The following TIAM1 variants were observed in gnomAD, a reference collection of about 807,000 sequenced individuals.
TIAM1 encodes the protein TIAM Rac1 associated GEF 1, also known as rho guanine nucleotide exchange factor TIAM1.
In TIAM1, 65 loss-of-function variants were observed where a neutral mutation model predicts 163.5. The ratio of observed to expected loss-of-function variants is 0.40; its 90% CI spans 0.33 to 0.49. The LOEUF (loss-of-function observed/expected upper bound fraction) is 0.49. TIAM1 is among the 20% of genes least tolerant of loss of function. TIAM1 has a pLI of 0.77. For missense variants in TIAM1, 1,789 were observed against 2,044.7 expected, an observed-to-expected ratio of 0.87 and a Z score of 2.41; for synonymous variants, 833 against 810.1, an observed-to-expected ratio of 1.03 and a Z score of -0.48.
At chr21:31,434,067 G>A (rs536822495) in intron 2 of TIAM1, among the ~76,000 whole-genome samples, 4 of 152,086 alleles carry the variant, frequency 2.6e-5, no homozygotes, top group African/African-American at 9.6e-5. Context: ...CAAAGTGCTA[G>A]GATTATAGCA....
chr21:31,427,403 C>T lies in TIAM1; in HGVS notation c.-369+36580G>A, dbSNP rs535018270. ...TCGGGAGGCTGAGGCAGGAGAATGG[C>T]GTGAACCTGGAAGGCGGGGGTTGCA... is the stretch of plus-strand genomic sequence containing the variant. On this transcript the variant is annotated intron_variant, in intron 2 of 28. Coordinates refer to the TIAM1 transcript ENST00000286827. 3.4e-3 allele frequency among the ~76,000 whole-genome samples: 515 copies of T among 152,094 alleles called. 3 individuals are homozygous for T. Among genetic ancestry groups the T allele is most frequent in the African/African-American group, 0.012 (495 of 41,496 alleles).
chr21:31,485,942 G>A (rs1443409087), intron 1 of TIAM1, among the ~76,000 whole-genome samples: 1 of 152,140 alleles, frequency 6.6e-6, no homozygotes, highest in African/African-American at 2.4e-5. Flanking sequence ...TTAGCTCTAC[G>A]CCCTGCCTAA....
intron 2 of TIAM1, among the ~76,000 whole-genome samples, chr21:31,368,015 G>A (rs1048104324): frequency 1.1e-4 from 17 of 152,122 alleles, no homozygotes; most frequent in African/African-American, 4.1e-4. Context: ...ATATTCATGA[G>A]AGGCCTCTCA....
intron 1 of TIAM1, among the ~76,000 whole-genome samples, chr21:31,530,509 A>G (rs891278339): frequency 3.3e-5 from 5 of 152,256 alleles, no homozygotes; most frequent in African/African-American, 1.2e-4. Context: ...TCAACGTACT[A>G]AAGCATATTT....
At chr21:31,352,335 C>A (rs1363068203) in intron 2 of TIAM1, among the ~76,000 whole-genome samples, 1 of 152,050 alleles carries the variant, frequency 6.6e-6, no homozygotes, top group Non-Finnish European at 1.5e-5. Flanking sequence ...CACAAAAGGA[C>A]AAATATTGCA....
intron 2 of TIAM1, among the ~76,000 whole-genome samples, chr21:31,296,928 G>C (rs2074297573): frequency 6.6e-6 from 1 of 152,296 alleles, no homozygotes; most frequent in Non-Finnish European, 1.5e-5. Context: ...CTCCCAAAAT[G>C]CTGGGATTAC....
chr21:31,390,467 C>T (rs1294482086), intron 2 of TIAM1, among the ~76,000 whole-genome samples: 1 of 152,128 alleles, frequency 6.6e-6, no homozygotes, highest in Non-Finnish European at 1.5e-5. Flanking sequence ...ATTGAAATTA[C>T]ATTAGCTCTT....
chr21:31,217,934 C>T (rs554148006), intron 8 of TIAM1, among the ~76,000 whole-genome samples: 53 of 152,292 alleles, frequency 3.5e-4, no homozygotes, highest in Admixed American at 3.1e-3. Flanking sequence ...TGTTTGAAAT[C>T]ATCAGCAAAA....
rs1602091423 is a variant in TIAM1, at chr21:31,359,856, GGAAGGA to G, written c.-368-20440_-368-20435del. 2.0e-3 allele frequency among the ~76,000 whole-genome samples: 262 copies of G among 128,492 alleles called. 8 individuals are homozygous for G. Among genetic ancestry groups the G allele is most frequent in the African/African-American group, 5.0e-3 (161 of 32,450 alleles). The allele number at this position is 128,492 out of a possible 152,430, so 84.3% of individuals were successfully genotyped here. Reference sequence around the variant, plus strand: ...AGGAAGGAAGGAAGGAAGGAAGGAAGGAAGGAAGGGAGGGAGGGAGGAAAGACAATG... The same window carrying G: ...AGGAAGGAAGGAAGGAAGGAAGGAAGAGGGAGGGAGGGAGGAAAGACAATG... On this transcript the variant is annotated intron_variant, in intron 2 of 28. Coordinates refer to the TIAM1 transcript ENST00000286827.
intron 3 of TIAM1, among the ~76,000 whole-genome samples, chr21:31,276,501 G>T (rs1161768151): frequency 6.6e-6 from 1 of 152,166 alleles, no homozygotes; most frequent in Non-Finnish European, 1.5e-5. Context: ...GCAATTCACA[G>T]CGGAGAAAGG....
intron 24 of TIAM1, 78 bp from the exon 25 acceptor site, chr21:31,130,393 C>A: frequency 2.6e-6 from 3 of 1,158,650 alleles, no homozygotes; most frequent in South Asian, 1.2e-5. Flanking sequence ...TCTAAACCAG[C>A]GACAGACTCT....
intron 2 of TIAM1, among the ~76,000 whole-genome samples, chr21:31,413,566 G>A (rs562612537): frequency 1.6e-4 from 24 of 152,038 alleles, no homozygotes; most frequent in African/African-American, 4.3e-4. Flanking sequence ...CACCACGCCC[G>A]GCCCTCTTTC....
chr21:31,393,148 G>A (rs1162631589), intron 2 of TIAM1, among the ~76,000 whole-genome samples: 3 of 152,028 alleles, frequency 2.0e-5, no homozygotes, highest in Non-Finnish European at 2.9e-5. Context: ...TTAGGACAGG[G>A]TTTCACCATG....
chr21:31,244,049 T>A (rs2071364100), intron 6 of TIAM1, among the ~76,000 whole-genome samples: 1 of 152,180 alleles, frequency 6.6e-6, no homozygotes, highest in Admixed American at 6.5e-5. Context: ...TCCTGGTTGG[T>A]GGTTGCATAA....
chr21:31,524,016 C>CA (rs201873084), intron 1 of TIAM1, among the ~76,000 whole-genome samples: 24,154 of 138,780 alleles, frequency 0.17, 3,445 homozygotes, highest in East Asian at 0.74. Context: ...GACCCCAACT[C>CA]AAAAAAAAAA....
chr21:31,449,625 G>A (rs1413028194), intron 2 of TIAM1, among the ~76,000 whole-genome samples: 1 of 151,954 alleles, frequency 6.6e-6, no homozygotes, highest in Non-Finnish European at 1.5e-5. Flanking sequence ...TGATCTGCCC[G>A]CCTCGGCCTC....
intron 16 of TIAM1, among the ~76,000 whole-genome samples, chr21:31,161,079 T>G (rs910940052): frequency 1.1e-4 from 12 of 106,804 alleles, no homozygotes; most frequent in African/African-American, 2.4e-4. Flanking sequence ...GTGTGTGTGT[T>G]TAACAGTTGA....
At chr21:31,264,959 C>A (rs997315365) in intron 4 of TIAM1, among the ~76,000 whole-genome samples, 47 of 152,316 alleles carry the variant, frequency 3.1e-4, no homozygotes, top group African/African-American at 1.1e-3. Context: ...CCTCAGAGAA[C>A]AGAAGTACCA....
intron 2 of TIAM1, among the ~76,000 whole-genome samples, chr21:31,321,152 G>T (rs2075298507): frequency 6.6e-6 from 1 of 152,004 alleles, no homozygotes; most frequent in African/African-American, 2.4e-5. Flanking sequence ...GGGGGCGGGG[G>T]GGGATGACCT....
Sources: allele counts gnomAD v4.1 joint callset (sites outside exome capture counted in the v4.1 genomes callset), GRCh38; gene constraint gnomAD v4.1.1; transcripts MANE v1.5; gene names NCBI Gene and HGNC (gene_info 2026-07-23, HGNC 2026-07-21).